Variants in PLCG2 observed in about 807,000 individuals in gnomAD.
PLCG2 encodes the protein phospholipase C gamma 2.
A neutral mutation model predicts 175.6 loss-of-function variants in PLCG2; 69 were observed. That is an observed-to-expected ratio of 0.39 (90% CI 0.32 to 0.48). The LOEUF is 0.48. PLCG2 is among the 20% of genes least tolerant of loss of function. PLCG2 has a pLI of 0.91. For missense variants in PLCG2, 1,798 were observed against 1,650.9 expected (o/e 1.09, Z -1.54); for synonymous variants, 827 against 624.0 (o/e 1.33, Z -4.85).
At chr16:81,867,482 C>T (rs1597363268) in intron 5 of PLCG2, among the ~76,000 whole-genome samples, 1 of 152,190 alleles carries the variant, frequency 6.6e-6, no homozygotes, top group Admixed American at 6.5e-5. Flanking sequence ...CCAAACTGAT[C>T]GGTGCCTCAG....
intron 15 of PLCG2, among the ~76,000 whole-genome samples, chr16:81,905,858 T>G (rs905855239): frequency 6.6e-6 from 1 of 152,050 alleles, no homozygotes; most frequent in African/African-American, 2.4e-5. Flanking sequence ...TGGGATTTAG[T>G]CGTGTTGCCC....
chr16:81,815,845 G>C (rs941696256), intron 2 of PLCG2, among the ~76,000 whole-genome samples: 7 of 152,156 alleles, frequency 4.6e-5, no homozygotes, highest in African/African-American at 2.4e-5. Flanking sequence ...CGGATCACTT[G>C]AGGTCAGGAG....
chr16:81,916,699 G>A (rs935971260), intron 19 of PLCG2, among the ~76,000 whole-genome samples: 17 of 152,028 alleles, frequency 1.1e-4, no homozygotes, highest in South Asian at 4.2e-4. Flanking sequence ...GTGCAGGGGC[G>A]TGATCTTGGC....
intron 19 of PLCG2, among the ~76,000 whole-genome samples, chr16:81,918,414 A>T (rs573513646): frequency 6.6e-6 from 1 of 152,170 alleles, no homozygotes; most frequent in South Asian, 2.1e-4. Context: ...TCTTCTTTCG[A>T]AATTGCTATT....
intron 2 of PLCG2, among the ~76,000 whole-genome samples, chr16:81,761,695 G>A (rs1031444400): frequency 6.6e-6 from 1 of 152,072 alleles, no homozygotes; most frequent in Non-Finnish European, 1.5e-5. Flanking sequence ...CTAGCTCATT[G>A]TATTTGCTAT....
chr16:81,794,967 G>C (rs1310197628), intron 2 of PLCG2, among the ~76,000 whole-genome samples: 1 of 152,192 alleles, frequency 6.6e-6, no homozygotes, highest in African/African-American at 2.4e-5. Flanking sequence ...CTCTTATGCT[G>C]AATAGCTGAG....
At chr16:81,928,933 C>G (rs369687608) in intron 24 of PLCG2, 5 of 308,642 alleles carry the variant, frequency 1.6e-5, no homozygotes, top group Non-Finnish European at 3.0e-5. Context: ...CCATGCGTTG[C>G]GAAGGAAAGC....
At chr16:81,905,777 A>T (rs764808694) in intron 15 of PLCG2, among the ~76,000 whole-genome samples, 26 of 151,720 alleles carry the variant, frequency 1.7e-4, no homozygotes, top group African/African-American at 6.3e-4. Flanking sequence ...TCCCACCTCA[A>T]CCTCCCTGAG....
At chr16:81,829,366 C>T (rs1175160931) in intron 2 of PLCG2, among the ~76,000 whole-genome samples, 1 of 152,202 alleles carries the variant, frequency 6.6e-6, no homozygotes, top group Admixed American at 6.5e-5. Flanking sequence ...GCCTCGGCCT[C>T]CCAAAGTGCT....
intron 18 of PLCG2, among the ~76,000 whole-genome samples, chr16:81,912,356 G>A (rs1289448934): frequency 2.0e-5 from 3 of 152,234 alleles, no homozygotes; most frequent in Admixed American, 2.0e-4. Flanking sequence ...GTGAACCACT[G>A]TGCTCGGCCC....
rs1372331878 is a variant in PLCG2 at position 81,960,145 on chromosome 16, G to T, written c.*2147G>T. The T allele has an allele frequency of 4.5e-6, 1 of 220,660 alleles. No homozygotes were observed. Among genetic ancestry groups the T allele is most frequent in the East Asian group, 6.6e-5 (1 of 15,092 alleles). The allele number at this position is 220,660 out of a possible 1,614,324, so 13.7% of individuals were successfully genotyped here. Reference sequence around the variant, plus strand: ...GCTACAACCGGAATCCACCATGAGAGAGTACTTTCTTCGGTTCTTTCCTCC... The same window carrying T: ...GCTACAACCGGAATCCACCATGAGATAGTACTTTCTTCGGTTCTTTCCTCC... On this transcript the variant is annotated 3_prime_UTR_variant, in exon 33 of 33. Coordinates refer to ENST00000564138, the MANE Select transcript of PLCG2 (RefSeq NM_002661.5).
chr16:81,834,218 G>T (rs1224630602), intron 2 of PLCG2, among the ~76,000 whole-genome samples: 1 of 152,172 alleles, frequency 6.6e-6, no homozygotes, highest in Non-Finnish European at 1.5e-5. Context: ...TTAAAGAGAT[G>T]TTGAGGTCAA....
intron 1 of PLCG2, among the ~76,000 whole-genome samples, chr16:81,746,245 T>A (rs907659948): frequency 1.3e-5 from 2 of 152,230 alleles, no homozygotes; most frequent in African/African-American, 4.8e-5. Context: ...TCCCGGTTTA[T>A]AACTTCATCT....
At chr16:81,769,744 C>T (rs1300436033) in intron 2 of PLCG2, among the ~76,000 whole-genome samples, 9 of 142,690 alleles carry the variant, frequency 6.3e-5, no homozygotes, top group African/African-American at 1.8e-4. Context: ...GGCGTGAACC[C>T]GGGAGGCGGA....
chr16:81,786,037 C>A lies in PLCG2; in HGVS notation c.48C>A (p.Ser16Arg). The A allele has an allele frequency of 6.2e-7, 1 of 1,614,202 alleles. No homozygotes were observed. Among genetic ancestry groups the A allele is most frequent in the South Asian group, 1.1e-5 (1 of 91,080 alleles). ...NVDSLAEYEKSQIKRALELGT... is the reference protein window; with the variant it reads ...NVDSLAEYEKRQIKRALELGT... ...ATTCCCTTGCGGAATATGAGAAGAG[C>A]CAGATCAAGAGAGCCCTGGAGCTGG... The change falls in exon 2 of 33, where the codon AGC becomes AGA. Residue 16 changes from serine to arginine, a missense_variant. Coordinates refer to ENST00000564138, the MANE Select transcript of PLCG2 (RefSeq NM_002661.5).
At chr16:81,937,677 A>G (rs1910770290) in intron 27 of PLCG2, 81 bp from the exon 28 acceptor site, 2 of 1,235,766 alleles carry the variant, frequency 1.6e-6, no homozygotes, top group African/African-American at 1.5e-5. Flanking sequence ...GGTGAAATTC[A>G]TTCCCCACCT....
chr16:81,775,729 A>G (rs949388411), upstream of PLCG2, among the ~76,000 whole-genome samples: 2 of 152,152 alleles, frequency 1.3e-5, no homozygotes, highest in African/African-American at 2.4e-5. Context: ...TTCAGCTTAA[A>G]ATGTAATTTT....
At chr16:81,942,762 A>G (rs1204686549) in intron 30 of PLCG2, among the ~76,000 whole-genome samples, 1 of 152,228 alleles carries the variant, frequency 6.6e-6, no homozygotes, top group Non-Finnish European at 1.5e-5. Flanking sequence ...ATTCAAACCC[A>G]GGAATGTCTA....
rs759876042 is a variant in PLCG2, at chr16:81,937,949, C to T, written c.3198+46C>T. The stretch of plus-strand genomic sequence containing the variant: ...CTGCCAGGGGAGCCAGCCGCCCTCC[C>T]TGGGGGCTGGGCCGATGCTGTCTTG... On this transcript the variant is annotated intron_variant, in intron 28 of 32. Transcript: ENST00000564138. 4.4e-6 allele frequency: 7 copies of T among 1,595,330 alleles called. No homozygotes were observed. In the African/African-American group the frequency reaches 8.0e-5, roughly 18 times the overall value.
Sources: allele counts gnomAD v4.1 joint callset (sites outside exome capture counted in the v4.1 genomes callset), GRCh38; gene constraint gnomAD v4.1.1; transcripts MANE v1.5; gene names NCBI Gene and HGNC (gene_info 2026-07-23, HGNC 2026-07-21).